The following CHST11 variants were observed in gnomAD, a reference collection of about 807,000 sequenced individuals.
CHST11 encodes the protein carbohydrate sulfotransferase 11.
In CHST11, 9 loss-of-function variants were observed where a neutral mutation model predicts 30.4. That is an observed-to-expected ratio of 0.30 (90% CI 0.18 to 0.52). The LOEUF (loss-of-function observed/expected upper bound fraction) is 0.52, where lower values mean the gene tolerates loss of function less well. CHST11 is among the 20% of genes least tolerant of loss of function. The pLI, the probability that CHST11 is intolerant of heterozygous loss-of-function variation, is 0.97. For missense variants in CHST11, 348 were observed against 460.6 expected (o/e 0.76, Z 2.24); for synonymous variants, 152 against 187.8 (o/e 0.81, Z 1.56).
At chr12:104,638,252 G>A (rs1001683992) in intron 2 of CHST11, among the ~76,000 whole-genome samples, 1 of 152,178 alleles carries the variant, frequency 6.6e-6, no homozygotes, top group Admixed American at 6.5e-5. Context: ...AGAAGACATT[G>A]CATGTGAAAG....
chr12:104,517,253 C>T (rs2038032792), intron 1 of CHST11, among the ~76,000 whole-genome samples: 1 of 152,170 alleles, frequency 6.6e-6, no homozygotes, highest in African/African-American at 2.4e-5. Flanking sequence ...AAGTTCAGCG[C>T]CTGGGCTCCA....
At position 104,458,054 on chromosome 12, in the gene CHST11, C is replaced by A. The variant is rs1405565459; in HGVS notation, c.118+525C>A. 6.6e-6 allele frequency among the ~76,000 whole-genome samples: 1 copy of A among 151,826 alleles called. No homozygotes were observed. The highest frequency in any genetic ancestry group is 2.4e-5 in the African/African-American group (1 of 41,370). ...GCCCCGGCGAGGTTGCGAGTCCCTG[C>A]AGCAGGCTGGGAGCCCGGGACTGGG... On this transcript the variant is annotated intron_variant, in intron 1 of 2. Coordinates refer to ENST00000303694, the MANE Select transcript of CHST11 (RefSeq NM_018413.6). This position sits in a 1 kb window ranked among gnomAD's most constrained non-coding sequence, Gnocchi z 5.7.
intron 2 of CHST11, among the ~76,000 whole-genome samples, chr12:104,723,430 T>C (rs1592859386): frequency 2.0e-5 from 3 of 152,236 alleles, no homozygotes; most frequent in African/African-American, 4.8e-5. Context: ...CCCTGAAGGC[T>C]TGTTCAATCT....
At chr12:104,725,475 C>T (rs1173200303) in intron 2 of CHST11, among the ~76,000 whole-genome samples, 2 of 151,832 alleles carry the variant, frequency 1.3e-5, no homozygotes, top group African/African-American at 4.8e-5. Context: ...AGGTTCCTTT[C>T]AAATTCAAAA....
intron 2 of CHST11, among the ~76,000 whole-genome samples, chr12:104,638,946 G>A (rs1015571815): frequency 1.3e-5 from 2 of 152,238 alleles, no homozygotes; most frequent in Non-Finnish European, 2.9e-5. Flanking sequence ...AGCTGCGCAT[G>A]TGGCTTTTCT....
intron 1 of CHST11, among the ~76,000 whole-genome samples, chr12:104,493,141 C>G (rs2037765484): frequency 6.6e-6 from 1 of 152,032 alleles, no homozygotes; most frequent in South Asian, 2.1e-4. Flanking sequence ...ATGTTTTTGA[C>G]CAAAAAAAGA....
At chr12:104,714,227 A>G (rs2040111030) in intron 2 of CHST11, among the ~76,000 whole-genome samples, 1 of 152,202 alleles carries the variant, frequency 6.6e-6, no homozygotes, top group Non-Finnish European at 1.5e-5. Flanking sequence ...TCAAGTCCCT[A>G]TCACTGAGGC....
At chr12:104,580,318 C>G (rs1240494633) in intron 1 of CHST11, among the ~76,000 whole-genome samples, 2 of 152,130 alleles carry the variant, frequency 1.3e-5, no homozygotes, top group African/African-American at 2.4e-5. Context: ...ACAATAAAGC[C>G]AAAAGCGTTC....
chr12:104,679,752 C>T (rs926197686), intron 2 of CHST11, among the ~76,000 whole-genome samples: 2 of 152,144 alleles, frequency 1.3e-5, no homozygotes, highest in Non-Finnish European at 1.5e-5. Flanking sequence ...CATGGTAGAG[C>T]ACAGAGAAAG....
At chr12:104,486,494 C>A (rs2135964283) in intron 1 of CHST11, among the ~76,000 whole-genome samples, 1 of 152,238 alleles carries the variant, frequency 6.6e-6, no homozygotes, top group East Asian at 1.9e-4. Flanking sequence ...TGGGGTTCAC[C>A]AGCCAGAACT....
At chr12:104,575,238 T>C (rs1279374080) in intron 1 of CHST11, among the ~76,000 whole-genome samples, 1 of 151,628 alleles carries the variant, frequency 6.6e-6, no homozygotes, top group Non-Finnish European at 1.5e-5. Context: ...AGGCATAAAC[T>C]GGGATGATCC....
In CHST11 at chr12:104,676,378, C is replaced by T. The variant is rs1429743784; in HGVS notation, c.204+74387C>T. 6.6e-6 allele frequency among the ~76,000 whole-genome samples: 1 copy of T among 152,200 alleles called. No homozygotes were observed. The highest frequency in any genetic ancestry group is 1.5e-5 in the Non-Finnish European group (1 of 68,028). ...TTGGCTCATGGCCGCATCTCCTCAA[C>T]TCTGCTTCCATTGTCACATCTTTTC... is the stretch of plus-strand genomic sequence containing the variant. On this transcript the variant is annotated intron_variant, in intron 2 of 2. Coordinates refer to ENST00000303694, the MANE Select transcript of CHST11 (RefSeq NM_018413.6). The surrounding 1 kb of genome is among the most constrained non-coding windows in gnomAD (Gnocchi z 4.4).
At chr12:104,547,271 C>T (rs1411365641) in intron 1 of CHST11, among the ~76,000 whole-genome samples, 1 of 152,160 alleles carries the variant, frequency 6.6e-6, no homozygotes, top group Admixed American at 6.5e-5. Flanking sequence ...AGGAGATGGT[C>T]TGATTGCCAA....
intron 1 of CHST11, among the ~76,000 whole-genome samples, chr12:104,538,065 A>G (rs1161055094): frequency 6.6e-6 from 1 of 152,196 alleles, no homozygotes. Flanking sequence ...TTATTAACTG[A>G]TGACCATATT....
intron 1 of CHST11, among the ~76,000 whole-genome samples, chr12:104,551,591 A>G (rs1460147853): frequency 6.6e-6 from 1 of 152,146 alleles, no homozygotes; most frequent in East Asian, 1.9e-4. Flanking sequence ...TTAGAAGGGC[A>G]TCCTCTCTGT....
At chr12:104,657,520 G>GA (rs142635538) in intron 2 of CHST11, among the ~76,000 whole-genome samples, 3,460 of 147,896 alleles carry the variant, frequency 0.023, 103 homozygotes, top group African/African-American at 0.071. Context: ...CCTGGCAGAT[G>GA]AAAAAAAAAA....
At chr12:104,575,496 C>T (rs898824735) in intron 1 of CHST11, among the ~76,000 whole-genome samples, 1 of 152,100 alleles carries the variant, frequency 6.6e-6, no homozygotes, top group African/African-American at 2.4e-5. Flanking sequence ...AAGGCCTCTG[C>T]GAGTCCTCTG....
intron 1 of CHST11, among the ~76,000 whole-genome samples, chr12:104,563,442 G>A (rs188248561): frequency 2.6e-5 from 4 of 152,178 alleles, no homozygotes; most frequent in East Asian, 1.9e-4. Context: ...TTTCACTCTC[G>A]CTCAAGGGGC....
intron 1 of CHST11, among the ~76,000 whole-genome samples, chr12:104,505,381 G>C (rs1455284345): frequency 6.6e-6 from 1 of 152,082 alleles, no homozygotes; most frequent in Non-Finnish European, 1.5e-5. Context: ...GTAGTTCAGA[G>C]GCTAAGCAAC....
Sources: gnomAD v4.1 joint callset for allele counts (sites outside exome capture counted in the v4.1 genomes callset) on GRCh38, gnomAD v4.1.1 for gene constraint, Gnocchi (gnomAD v3.1) non-coding constraint, MANE v1.5 for transcripts, NCBI Gene and HGNC (gene_info 2026-07-23, HGNC 2026-07-21) for gene names.